BACE2: variants seen among roughly 807,000 people sequenced by gnomAD.
BACE2 encodes 56 kDa aspartic-like protease.
A neutral mutation model predicts 46.2 loss-of-function variants in BACE2; 17 were observed. The ratio of observed to expected loss-of-function variants is 0.37; its 90% CI spans 0.25 to 0.55. The LOEUF (loss-of-function observed/expected upper bound fraction) is 0.55, where lower values mean the gene tolerates loss of function less well. Among genes scored for constraint, BACE2 ranks in the 20% least tolerant of loss-of-function variants. The pLI is 0.82. For missense variants in BACE2, 595 were observed against 698.1 expected, an observed-to-expected ratio of 0.85 and a Z score of 1.66; for synonymous variants, 277 against 295.9, an observed-to-expected ratio of 0.94 and a Z score of 0.66.
intron 1 of BACE2, chr21:41,176,811 A>G (rs998717040): frequency 1.3e-5 from 2 of 152,184 alleles, no homozygotes; most frequent in Non-Finnish European, 2.9e-5. Flanking sequence ...CAAGGTGTAA[A>G]TATCAAGAAA....
Position 41,273,945 on chromosome 21 carries a change from A to C in BACE2, c.1304-1426A>C, listed in dbSNP as rs2088458676. Among the ~76,000 whole-genome samples, 3 of 152,228 alleles carry C rather than the reference A, an allele frequency of 2.0e-5. 1 individual carries two copies. Among genetic ancestry groups the C allele is most frequent in the Admixed American group, 2.0e-4 (3 of 15,290 alleles). On this transcript the variant is annotated intron_variant, in intron 8 of 8. Transcript: ENST00000330333. ...CCGTTCGGGGTCCCTGACTTCCCGCAACAGAAACCTAATCTCCAAGGTGAT... is the reference window on the plus strand; with the variant it reads ...CCGTTCGGGGTCCCTGACTTCCCGCCACAGAAACCTAATCTCCAAGGTGAT...
chr21:41,228,181 G>A lies in BACE2; in HGVS notation c.401+1827G>A, dbSNP rs550980433. On this transcript the variant is annotated intron_variant, in intron 2 of 8. Transcript: ENST00000330333. ...AAAGTGCCCTGACGTCATATGGGGG[G>A]AATACAAGGGAAGTAATGTATAACC... 1.4e-4 allele frequency among the ~76,000 whole-genome samples: 21 copies of A among 152,328 alleles called. No individual in the cohort carries two copies. The South Asian group carries it at 3.7e-3, about 27-fold the overall frequency.
rs2123604578 is a variant in BACE2 at position 41,243,296 on chromosome 21, C to T, written c.748-80C>T. On this transcript the variant is annotated intron_variant, in intron 4 of 8. Coordinates refer to ENST00000330333, the MANE Select transcript of BACE2 (RefSeq NM_012105.5). ...CTGATTGCAGTGAAGTTTCTCTTTACAAGTGCATGCTTCTCTGTGTAACCT... is the reference window on the plus strand; with the variant it reads ...CTGATTGCAGTGAAGTTTCTCTTTATAAGTGCATGCTTCTCTGTGTAACCT... The T allele has an allele frequency of 1.4e-5, 17 of 1,199,140 alleles. No individual in the cohort carries two copies. The South Asian group carries it at 3.4e-4, about 24-fold the overall frequency. The allele number at this position is 1,199,140 out of a possible 1,614,324, so 74.3% of individuals were successfully genotyped here. A position where few individuals can be genotyped will look rare whatever the true frequency, so the allele number is the denominator to read the frequency against.
chr21:41,203,828 G>T (rs945456585), intron 1 of BACE2, among the ~76,000 whole-genome samples: 1 of 152,190 alleles, frequency 6.6e-6, no homozygotes, highest in African/African-American at 2.4e-5. Context: ...ACGGGGATGG[G>T]TCAGGGAGGA....
At chr21:41,222,001 G>A (rs189388150) in intron 1 of BACE2, among the ~76,000 whole-genome samples, 4 of 152,148 alleles carry the variant, frequency 2.6e-5, no homozygotes, top group East Asian at 1.9e-4. Flanking sequence ...GCATGATTGC[G>A]CACGGGGCCC....
chr21:41,237,809 G>A lies in BACE2; in HGVS notation c.618+80G>A, dbSNP rs1435783743. 3.3e-6 allele frequency: 4 copies of A among 1,197,220 alleles called. No individual in the cohort carries two copies. In the Admixed American group the frequency reaches 7.2e-5, roughly 21 times the overall value. The allele number at this position is 1,197,220 out of a possible 1,614,324, so 74.2% of individuals were successfully genotyped here. ...ATCAGTCATTAAAGGGCTGACACAT[G>A]AGTCTTGGGCTGTTCTTGGAGACAG... On this transcript the variant is annotated intron_variant, in intron 3 of 8. Transcript: ENST00000330333.
chr21:41,233,828 GCA>G (rs1380207882), intron 2 of BACE2, among the ~76,000 whole-genome samples: 9 of 152,322 alleles, frequency 5.9e-5, no homozygotes, highest in East Asian at 3.9e-4. Flanking sequence ...GGGCATGGTG[GCA>G]TGCGCCTGTA....
intron 8 of BACE2, among the ~76,000 whole-genome samples, chr21:41,274,010 C>G (rs758621297): frequency 6.6e-6 from 1 of 152,128 alleles, no homozygotes; most frequent in Admixed American, 6.5e-5. Context: ...GATTAGGTCA[C>G]GAGGGCAGAG....
At chr21:41,236,019 G>T (rs561748113) in intron 2 of BACE2, among the ~76,000 whole-genome samples, 1 of 152,300 alleles carries the variant, frequency 6.6e-6, no homozygotes, top group South Asian at 2.1e-4. Context: ...AATCAAGCCT[G>T]CAGGTGAGCA....
intron 1 of BACE2, among the ~76,000 whole-genome samples, chr21:41,206,030 A>C (rs1179664660): frequency 1.3e-5 from 2 of 152,252 alleles, no homozygotes; most frequent in East Asian, 3.8e-4. Context: ...AAACAACACA[A>C]GTGTCTGTGG....
intron 2 of BACE2, among the ~76,000 whole-genome samples, chr21:41,229,824 T>C (rs1223292656): frequency 2.0e-5 from 3 of 152,338 alleles, no homozygotes; most frequent in South Asian, 2.1e-4. Context: ...ATTTGATGAA[T>C]ATGAAAACTG....
At chr21:41,224,881 A>G (rs1441424511) in intron 1 of BACE2, among the ~76,000 whole-genome samples, 1 of 152,216 alleles carries the variant, frequency 6.6e-6, no homozygotes, top group Non-Finnish European at 1.5e-5. Context: ...GCTCATGGGA[A>G]TATAACTTGG....
intron 8 of BACE2, among the ~76,000 whole-genome samples, chr21:41,263,095 T>C (rs1376382704): frequency 9.2e-5 from 14 of 152,192 alleles, no homozygotes; most frequent in Non-Finnish European, 2.1e-4. Context: ...TGGAGCATTA[T>C]GCATAGGATA....
intron 2 of BACE2, among the ~76,000 whole-genome samples, chr21:41,237,180 G>A (rs953490418): frequency 2.6e-5 from 4 of 152,194 alleles, no homozygotes; most frequent in African/African-American, 9.7e-5. Context: ...GGGCGCAGTG[G>A]CTCACGCCTG....
intron 1 of BACE2, chr21:41,184,752 C>G (rs1229274630): frequency 6.0e-6 from 1 of 166,990 alleles, no homozygotes; most frequent in Non-Finnish European, 1.5e-5. Flanking sequence ...TCTGGGGAGG[C>G]TTATGAACTT....
At chr21:41,217,803 G>C (rs1164198057) in intron 1 of BACE2, among the ~76,000 whole-genome samples, 1 of 152,250 alleles carries the variant, frequency 6.6e-6, no homozygotes, top group Non-Finnish European at 1.5e-5. Context: ...GGCAAGCCTT[G>C]AAGATGGACG....
At chr21:41,200,791 C>T (rs754522101) in intron 1 of BACE2, among the ~76,000 whole-genome samples, 3 of 152,158 alleles carry the variant, frequency 2.0e-5, no homozygotes, top group Non-Finnish European at 2.9e-5. Context: ...AGCAAGAGGA[C>T]GGCCATCTGC....
At chr21:41,220,726 A>G (rs1226165291) in intron 1 of BACE2, among the ~76,000 whole-genome samples, 1 of 150,588 alleles carries the variant, frequency 6.6e-6, no homozygotes, top group African/African-American at 2.4e-5. Context: ...ATGTAAATAT[A>G]TTTTTATATA....
chr21:41,237,794 A>T, intron 3 of BACE2, 65 bp downstream of exon 3: 1 of 1,383,068 alleles, frequency 7.2e-7, no homozygotes, highest in Non-Finnish European at 1.0e-6. Flanking sequence ...ATCAGTCATT[A>T]AAGGGCTGAC....
Sources: allele counts gnomAD v4.1 joint callset (sites outside exome capture counted in the v4.1 genomes callset), GRCh38; gene constraint gnomAD v4.1.1; transcripts MANE v1.5; gene names NCBI Gene and HGNC (gene_info 2026-07-23, HGNC 2026-07-21).